SYNDIG1: variants seen among roughly 807,000 people sequenced by gnomAD.
The protein encoded by SYNDIG1 is synapse differentiation-inducing gene protein 1.
In SYNDIG1, 9 loss-of-function variants were observed where a neutral mutation model predicts 19.4. The ratio of observed to expected loss-of-function variants is 0.46; its 90% CI spans 0.28 to 0.81. The LOEUF (loss-of-function observed/expected upper bound fraction) is 0.81, where lower values mean the gene tolerates loss of function less well. Among genes scored for constraint, SYNDIG1 ranks in the 30% least tolerant of loss-of-function variants. SYNDIG1 has a pLI of 0.12. For missense variants in SYNDIG1, 311 were observed against 343.3 expected (o/e 0.91, Z 0.74); for synonymous variants, 141 against 145.9 (o/e 0.97, Z 0.24).
chr20:24,484,240 A>G (rs1398767782), intron 1 of SYNDIG1, among the ~76,000 whole-genome samples: 1 of 152,132 alleles, frequency 6.6e-6, no homozygotes, highest in Non-Finnish European at 1.5e-5. Context: ...CCATTCTCTC[A>G]GGCAGGTGCT....
intron 1 of SYNDIG1, among the ~76,000 whole-genome samples, chr20:24,501,657 G>T (rs963726758): frequency 6.6e-6 from 1 of 152,144 alleles, no homozygotes; most frequent in Non-Finnish European, 1.5e-5. Context: ...TCTGGAAATG[G>T]GGGTAGTTAT....
At chr20:24,661,418 G>T (rs2070078534) in intron 3 of SYNDIG1, among the ~76,000 whole-genome samples, 1 of 117,142 alleles carries the variant, frequency 8.5e-6, no homozygotes, top group East Asian at 2.8e-4. Flanking sequence ...AGAAGGAGGA[G>T]TTAGGAAGGA....
At position 24,514,839 on chromosome 20, in the gene SYNDIG1, A is replaced by G. The variant is rs142187274; in HGVS notation, c.-78-28181A>G. On this transcript the variant is annotated intron_variant, in intron 1 of 3. Transcript: ENST00000376862. ...GAATACACATTCTTCTCAACACCGC[A>G]CCGCACTTATTCCAAAATTGACCAC... Among the ~76,000 whole-genome samples, 180 of 152,326 alleles carry G rather than the reference A, an allele frequency of 1.2e-3. 1 individual carries two copies. In the East Asian group the frequency reaches 0.015, roughly 13 times the overall value.
At chr20:24,565,258 C>T (rs1425037021) in intron 2 of SYNDIG1, among the ~76,000 whole-genome samples, 4 of 152,206 alleles carry the variant, frequency 2.6e-5, no homozygotes, top group African/African-American at 9.7e-5. Flanking sequence ...AAGGAAGGAA[C>T]ATTCCTCAGT....
intron 2 of SYNDIG1, among the ~76,000 whole-genome samples, chr20:24,549,584 G>A (rs2057663339): frequency 6.6e-6 from 1 of 152,180 alleles, no homozygotes; most frequent in Non-Finnish European, 1.5e-5. Flanking sequence ...CCTTGCAGTA[G>A]TGTCTAGGGG....
chr20:24,485,372 T>C (rs1321057219), intron 1 of SYNDIG1, among the ~76,000 whole-genome samples: 1 of 152,202 alleles, frequency 6.6e-6, no homozygotes, highest in East Asian at 1.9e-4. Context: ...CCAATTTTGT[T>C]CATTAGATGG....
chr20:24,584,722 C>T (rs1015839461), intron 2 of SYNDIG1, 134 bp from the exon 3 acceptor site: 2 of 1,222,954 alleles, frequency 1.6e-6, no homozygotes, highest in South Asian at 2.5e-5. Flanking sequence ...ATGACTCGAA[C>T]AACGTCAGCA....
At chr20:24,562,877 C>T in intron 2 of SYNDIG1, among the ~76,000 whole-genome samples, 1 of 152,232 alleles carries the variant, frequency 6.6e-6, no homozygotes, top group Non-Finnish European at 1.5e-5. Context: ...ATAATGAAAT[C>T]CAACTTTTCT....
chr20:24,536,468 G>A (rs1488818347), intron 1 of SYNDIG1, among the ~76,000 whole-genome samples: 2 of 152,106 alleles, frequency 1.3e-5, no homozygotes, highest in Non-Finnish European at 2.9e-5. Context: ...CTCCTTCAAG[G>A]CACTAAGAAG....
At chr20:24,567,405 A>G (rs2146919737) in intron 2 of SYNDIG1, among the ~76,000 whole-genome samples, 1 of 151,796 alleles carries the variant, frequency 6.6e-6, no homozygotes. Flanking sequence ...AGTGAAGACA[A>G]CTCTCACACC....
At chr20:24,509,537 G>T (rs2056688598) in intron 1 of SYNDIG1, among the ~76,000 whole-genome samples, 1 of 152,162 alleles carries the variant, frequency 6.6e-6, no homozygotes, top group Admixed American at 6.5e-5. Context: ...TATAGTCAAT[G>T]CTCATTAAAT....
chr20:24,521,638 G>A (rs565089376), intron 1 of SYNDIG1, among the ~76,000 whole-genome samples: 3 of 152,184 alleles, frequency 2.0e-5, no homozygotes, highest in East Asian at 3.9e-4. Context: ...TGGCTCACAC[G>A]TGTAATCCTA....
At chr20:24,590,820 C>T (rs777303638) in intron 3 of SYNDIG1, among the ~76,000 whole-genome samples, 3 of 152,080 alleles carry the variant, frequency 2.0e-5, no homozygotes, top group African/African-American at 7.2e-5. Flanking sequence ...CAAGCACCGG[C>T]GCGGTGATGA....
chr20:24,587,339 C>T (rs2058433554), intron 3 of SYNDIG1, among the ~76,000 whole-genome samples: 2 of 152,026 alleles, frequency 1.3e-5, no homozygotes, highest in Admixed American at 1.3e-4. Flanking sequence ...GAGCTGAGTC[C>T]CCTTGGCAGG....
intron 1 of SYNDIG1, among the ~76,000 whole-genome samples, chr20:24,494,618 C>A (rs985704559): frequency 6.6e-6 from 1 of 152,142 alleles, no homozygotes; most frequent in African/African-American, 2.4e-5. Context: ...CAGACCCCCC[C>A]GGGAGAGGTG....
chr20:24,566,816 C>G (rs1431110542), intron 2 of SYNDIG1, among the ~76,000 whole-genome samples: 1 of 152,204 alleles, frequency 6.6e-6, no homozygotes, highest in African/African-American at 2.4e-5. Context: ...AAGTGCAGCT[C>G]CCAGGGCAGG....
chr20:24,540,813 G>A (rs2057454138), intron 1 of SYNDIG1, among the ~76,000 whole-genome samples: 1 of 152,052 alleles, frequency 6.6e-6, no homozygotes, highest in Non-Finnish European at 1.5e-5. Flanking sequence ...GTATTTTGTT[G>A]GGAGTTTTAC....
intron 2 of SYNDIG1, among the ~76,000 whole-genome samples, chr20:24,583,943 T>C (rs1204571056): frequency 6.6e-6 from 1 of 152,114 alleles, no homozygotes; most frequent in Non-Finnish European, 1.5e-5. Flanking sequence ...GGCTTATACC[T>C]GGGTTATGAA....
chr20:24,648,533 T>C (rs956831077), intron 3 of SYNDIG1, among the ~76,000 whole-genome samples: 12 of 152,216 alleles, frequency 7.9e-5, no homozygotes, highest in African/African-American at 2.9e-4. Flanking sequence ...AATAAAAATC[T>C]GAAGGAGTGG....
Sources: gnomAD v4.1 joint callset for allele counts (sites outside exome capture counted in the v4.1 genomes callset) on GRCh38, gnomAD v4.1.1 for gene constraint, MANE v1.5 for transcripts, NCBI Gene and HGNC (gene_info 2026-07-23, HGNC 2026-07-21) for gene names.